Variants in MOXD1 observed in about 807,000 individuals in gnomAD.
MOXD1 encodes the protein DBH-like monooxygenase protein 1.
A neutral mutation model predicts 66.6 loss-of-function variants in MOXD1; 62 were observed. The observed-to-expected ratio is 0.93, with a 90% CI of 0.76 to 1.15. MOXD1 has a LOEUF of 1.15. Among genes scored for constraint, MOXD1 ranks in the 50% most tolerant of loss-of-function variants. MOXD1 has a pLI of 0.00. For missense variants in MOXD1, 847 were observed against 754.6 expected, an observed-to-expected ratio of 1.12 and a Z score of -1.44; for synonymous variants, 303 against 281.9, an observed-to-expected ratio of 1.07 and a Z score of -0.75.
intron 4 of MOXD1, 67 bp from the exon 5 acceptor site, chr6:132,328,661 C>A: frequency 2.8e-6 from 4 of 1,416,276 alleles, no homozygotes; most frequent in Non-Finnish European, 3.9e-6. Flanking sequence ...CCACAACAAA[C>A]GTGAAACTAG....
chr6:132,324,731 G>A (rs1002274719), intron 6 of MOXD1, among the ~76,000 whole-genome samples: 1 of 152,136 alleles, frequency 6.6e-6, no homozygotes, highest in African/African-American at 2.4e-5. Context: ...TTCATTACAG[G>A]GAGGGAGAGT....
At chr6:132,365,735 G>A (rs966053499) in intron 4 of MOXD1, among the ~76,000 whole-genome samples, 2 of 152,186 alleles carry the variant, frequency 1.3e-5, no homozygotes, top group South Asian at 4.1e-4. Context: ...TGAAGTAGAT[G>A]TAACTCAAGA....
chr6:132,343,600 G>C (rs1048300529), intron 4 of MOXD1, among the ~76,000 whole-genome samples: 7 of 151,560 alleles, frequency 4.6e-5, no homozygotes, highest in Non-Finnish European at 7.4e-5. Flanking sequence ...ATGGAAAAGA[G>C]ATCCACATGG....
chr6:132,349,412 T>TATATATACAC lies in MOXD1; in HGVS notation c.664-20819_664-20818insGTGTATATAT, dbSNP rs1554234236. 1.2e-4 allele frequency among the ~76,000 whole-genome samples: 10 copies of TATATATACAC among 84,420 alleles called. 1 individual carries two copies. The highest frequency in any genetic ancestry group is 4.2e-4 in the Admixed American group (3 of 7,112). 55.4% of individuals were successfully genotyped at this position (84,420 alleles called of 152,430 possible). The stretch of plus-strand genomic sequence containing the variant: ...ATATATACACATATATATACATATA[T>TATATATACAC]ATATATATACATATATATATATACA... On this transcript the variant is annotated intron_variant, in intron 4 of 11. Transcript: ENST00000367963.
chr6:132,349,585 G>C (rs903808424), intron 4 of MOXD1, among the ~76,000 whole-genome samples: 6 of 148,392 alleles, frequency 4.0e-5, no homozygotes, highest in African/African-American at 1.5e-4. Context: ...ATAAACATTC[G>C]TGGGCAAGTA....
At chr6:132,372,244 T>C (rs946398791) in intron 4 of MOXD1, among the ~76,000 whole-genome samples, 1 of 152,330 alleles carries the variant, frequency 6.6e-6, no homozygotes, top group African/African-American at 2.4e-5. Context: ...TCAAACACTA[T>C]TGGTGAGGAA....
intron 4 of MOXD1, among the ~76,000 whole-genome samples, chr6:132,359,271 TA>T (rs1562292596): frequency 6.6e-6 from 1 of 151,930 alleles, no homozygotes; most frequent in African/African-American, 2.4e-5. Flanking sequence ...CTAAATTTTT[TA>T]AATTTTTCTT....
At chr6:132,329,705 G>A (rs1775275874) in intron 4 of MOXD1, among the ~76,000 whole-genome samples, 1 of 151,516 alleles carries the variant, frequency 6.6e-6, no homozygotes. Context: ...ACAAATTGAG[G>A]GTATAGCCTA....
At chr6:132,322,638 C>T (rs757951394) in intron 8 of MOXD1, 41 bp downstream of exon 8, 3 of 1,569,326 alleles carry the variant, frequency 1.9e-6, no homozygotes, top group Non-Finnish European at 2.6e-6. Context: ...TGTCTCATGA[C>T]TTTCATAACA....
chr6:132,366,214 T>C (rs992854120), intron 4 of MOXD1, among the ~76,000 whole-genome samples: 1 of 152,066 alleles, frequency 6.6e-6, no homozygotes, highest in Non-Finnish European at 1.5e-5. Context: ...TATTTCAACA[T>C]GAATCTAGCT....
In MOXD1 at chr6:132,354,007, C is replaced by T. The variant is rs577241591; in HGVS notation, c.663+18601G>A. On this transcript the variant is annotated intron_variant, in intron 4 of 11. Transcript: ENST00000367963. ...TTTCTATAAGAGTGTCCAAGGTTTC[C>T]TGAAGTTTTGATTGTTTGTTCTTTA... 3.3e-5 allele frequency among the ~76,000 whole-genome samples: 5 copies of T among 152,260 alleles called. No individual in the cohort carries two copies. The South Asian group carries it at 1.0e-3, about 32-fold the overall frequency.
chr6:132,396,368 G>T (rs1315077847), intron 1 of MOXD1, among the ~76,000 whole-genome samples: 1 of 151,834 alleles, frequency 6.6e-6, no homozygotes, highest in African/African-American at 2.4e-5. Context: ...AAAACCTATA[G>T]GGTACAGTAA....
intron 1 of MOXD1, chr6:132,391,459 T>G (rs1298739872): frequency 6.6e-6 from 1 of 152,230 alleles, no homozygotes; most frequent in Non-Finnish European, 1.5e-5. Flanking sequence ...CTACTGAAAT[T>G]TAACAAGTTA....
intron 4 of MOXD1, among the ~76,000 whole-genome samples, chr6:132,333,761 C>T (rs554339982): frequency 2.6e-5 from 4 of 152,258 alleles, no homozygotes; most frequent in South Asian, 4.2e-4. Context: ...GTGACAGGCC[C>T]GTGAGCTTAC....
chr6:132,398,934 T>G (rs1582617257), intron 1 of MOXD1, among the ~76,000 whole-genome samples: 1 of 73,670 alleles, frequency 1.4e-5, no homozygotes, highest in Non-Finnish European at 2.9e-5. Context: ...AGAGACTTTG[T>G]CAAAAAAAAA....
intron 10 of MOXD1, among the ~76,000 whole-genome samples, chr6:132,306,966 A>G (rs1195862767): frequency 6.6e-6 from 1 of 152,198 alleles, no homozygotes; most frequent in Non-Finnish European, 1.5e-5. Flanking sequence ...AGTGTGCAAA[A>G]TCATCAAATA....
intron 1 of MOXD1, among the ~76,000 whole-genome samples, chr6:132,396,662 A>C (rs1776886831): frequency 6.6e-6 from 1 of 152,118 alleles, no homozygotes; most frequent in Non-Finnish European, 1.5e-5. Context: ...GAGAATACCC[A>C]CATAAAATCA....
intron 1 of MOXD1, among the ~76,000 whole-genome samples, chr6:132,399,748 T>C (rs1286773005): frequency 6.6e-6 from 1 of 152,244 alleles, no homozygotes. Context: ...GGGCATACTA[T>C]ACTCCTCTCC....
At chr6:132,399,293 C>T (rs1284321166) in intron 1 of MOXD1, among the ~76,000 whole-genome samples, 1 of 152,106 alleles carries the variant, frequency 6.6e-6, no homozygotes, top group African/African-American at 2.4e-5. Context: ...TCATCCTTTA[C>T]ATGTAAAAAT....
Sources: allele counts gnomAD v4.1 joint callset (sites outside exome capture counted in the v4.1 genomes callset), GRCh38; gene constraint gnomAD v4.1.1; transcripts MANE v1.5; gene names NCBI Gene and HGNC (gene_info 2026-07-23, HGNC 2026-07-21).